ABHD11: variants seen among roughly 807,000 people sequenced by gnomAD.
ABHD11 encodes sn-1-specific diacylglycerol lipase ABHD11.
Under a neutral mutation model 29.0 loss-of-function variants are expected in ABHD11, and 26 were observed. The observed-to-expected ratio is 0.90, with a 90% confidence interval of 0.66 to 1.24. The LOEUF (loss-of-function observed/expected upper bound fraction) is 1.24, where lower values mean the gene tolerates loss of function less well. Ranked by LOEUF, ABHD11 falls within the 50% of genes most tolerant of loss-of-function variation. The probability of loss-of-function intolerance (pLI) is 0.00; values close to 1 mark genes in which losing one functional copy is unlikely to be tolerated. For missense variants in ABHD11, 381 were observed against 422.4 expected, an observed-to-expected ratio of 0.90 and a Z score of 0.86; for synonymous variants, 169 against 166.4, an observed-to-expected ratio of 1.02 and a Z score of -0.12.
intron 2 of ABHD11, 34 bp downstream of exon 2, chr7:73,738,294 G>A (rs1054170284): frequency 4.8e-5 from 32 of 669,782 alleles, no homozygotes; most frequent in East Asian, 1.0e-4. Context: ...CTCCCGCCCA[G>A]CCCCAAAGGA....
intron 1 of ABHD11, 29 bp downstream of exon 1, chr7:73,738,617 T>C: frequency 1.9e-6 from 3 of 1,580,714 alleles, no homozygotes; most frequent in Non-Finnish European, 2.6e-6. Flanking sequence ...GGACAGAGGA[T>C]GGCCTCCCGC....
intron 1 of ABHD11, 46 bp from the exon 2 acceptor site, chr7:73,738,509 G>C (rs782070948): frequency 1.3e-6 from 2 of 1,588,924 alleles, no homozygotes; most frequent in African/African-American, 1.3e-5. Context: ...GGCGGAGACG[G>C]GGAAAGGGGT....
At chr7:73,738,297 C>T (rs1009860466) in intron 2 of ABHD11, 31 bp downstream of exon 2, 4 of 1,598,346 alleles carry the variant, frequency 2.5e-6, no homozygotes, top group Non-Finnish European at 3.4e-6. Flanking sequence ...CCGCCCAGCC[C>T]CAAAGGAGCC....
Position 73,738,482 on chromosome 7 carries a change from A to AG in ABHD11, c.126-20dup, listed in dbSNP as rs1800199492. ...AAGCGGCCTGGCAGGGGAAGGATCG[A>AG]GGTCAGAGTCTGAGCCGGCGGAGAC... On this transcript the variant is annotated intron_variant, in intron 1 of 5. Coordinates refer to ENST00000222800, the MANE Select transcript of ABHD11 (RefSeq NM_148912.4). 6.2e-7 allele frequency: 1 copy of AG among 1,605,112 alleles called. No homozygotes were observed. Among genetic ancestry groups the AG allele is most frequent in the Non-Finnish European group, 8.5e-7 (1 of 1,175,686 alleles).
In ABHD11 at chr7:73,737,357, A is replaced by G. The variant is rs2130321960; in HGVS notation, c.470T>C (p.Ile157Thr). 2 of 1,613,864 alleles carry G rather than the reference A, an allele frequency of 1.2e-6. 1 individual carries two copies. Among genetic ancestry groups the G allele is most frequent in the East Asian group, 4.5e-5 (2 of 44,886 alleles). The change falls in exon 4 of 6, where the codon ATC (isoleucine) becomes ACC (threonine). Residue 157 changes from isoleucine (I) to threonine (T), a missense_variant. Physicochemically the swap from Ile to Thr is moderately conservative, Grantham distance 89. Transcript: ENST00000222800. ...GACACCTGTGCTTTCCACTGGGCTGATATCTACAGCAATGAGACGTTCCAC... is the reference window on the plus strand; with the variant it reads ...GACACCTGTGCTTTCCACTGGGCTGGTATCTACAGCAATGAGACGTTCCAC... ...ELVERLIAVD[I>T]SPVESTGVSH...
At position 73,736,662 on chromosome 7, in the gene ABHD11, A is replaced by T. The variant is rs141964827; in HGVS notation, c.818T>A (p.Leu273His). The change falls in exon 6 of 6, where the codon CTC becomes CAC. Residue 273 changes from leucine to histidine, a missense_variant. Transcript: ENST00000222800. ...CGTCTGCATCTGGGCCCGAGGGAAG[A>T]GCCGCATAATCTCAGGGTGGTGGCT... ...HPSHHPEIMR[L>H]FPRAQMQTVP... The T allele has an allele frequency of 1.2e-6, 2 of 1,613,956 alleles. No homozygotes were observed. Among genetic ancestry groups the T allele is most frequent in the Middle Eastern group, 3.4e-4 (2 of 5,956 alleles).
intron 3 of ABHD11, 43 bp downstream of exon 3, chr7:73,737,519 G>GT: frequency 6.4e-7 from 1 of 1,571,730 alleles, no homozygotes. Flanking sequence ...GGCCCTCAGG[G>GT]TATATACTGA....
rs782192308 is a variant in ABHD11, at chr7:73,738,416, G to T, written c.173C>A (p.Pro58Gln). ...GAGCCCGTGCAAAAAGACGACGGCC[G>T]GGAGGGCTGCCTCCCCGTCCAGAAG... ...YRLLDGEAAL[P>Q]AVVFLHGLFG... Residue 58 changes from proline (P) to glutamine (Q), a missense_variant, in exon 2 of 6, where the codon CCG becomes CAG. Physicochemically the swap from Pro to Gln is moderately conservative, Grantham distance 76. Coordinates refer to ENST00000222800, the MANE Select transcript of ABHD11 (RefSeq NM_148912.4). The T allele has an allele frequency of 6.2e-7, 1 of 1,611,504 alleles. No homozygotes were observed. Among genetic ancestry groups the T allele is most frequent in the Non-Finnish European group, 8.5e-7 (1 of 1,178,906 alleles).
At position 73,736,539 on chromosome 7, in the gene ABHD11, C is replaced by T; in HGVS notation, c.*20G>A. On this transcript the variant is annotated 3_prime_UTR_variant, in exon 6 of 6. Coordinates refer to ENST00000222800, the MANE Select transcript of ABHD11 (RefSeq NM_148912.4). ...ACAGGCATGAGCCACCACGCCCGGC[C>T]ATCTTCTTGCCAGCAACTCTTAGAC... 1.2e-6 allele frequency: 2 copies of T among 1,613,154 alleles called. No individual in the cohort carries two copies. The highest frequency in any genetic ancestry group is 1.7e-6 in the Non-Finnish European group (2 of 1,179,818).
chr7:73,738,560 G>T, intron 1 of ABHD11, 86 bp downstream of exon 1: 1 of 1,564,224 alleles, frequency 6.4e-7, no homozygotes, highest in South Asian at 1.2e-5. Flanking sequence ...GGAGGTGACA[G>T]GCCCAAAGGG....
Position 73,737,665 on chromosome 7 carries a change from C to T in ABHD11, c.332G>A (p.Ser111Asn). ...HSPDMSYEIM[S>N]QDLQDLLPQL... ...GGGCAGAAGGTCCTGCAGGTCCTGG[C>T]TCATGATCTCGTAGCTCATGTCTGG... Residue 111 changes from serine to asparagine, a missense_variant, in exon 3 of 6, where the codon AGC becomes AAC. Transcript: ENST00000222800. 1 of 1,614,154 alleles carries T rather than the reference C, an allele frequency of 6.2e-7. No homozygotes were observed. Among genetic ancestry groups the T allele is most frequent in the Non-Finnish European group, 8.5e-7 (1 of 1,180,012 alleles).
rs1799985593 is a variant in ABHD11, at chr7:73,737,223, G to C, written c.604C>G (p.Gln202Glu). The change falls in exon 4 of 6, where the codon CAG (glutamine) becomes GAG (glutamate). Residue 202 changes from glutamine to glutamate, a missense_variant and splice_region_variant. Coordinates refer to ENST00000222800, the MANE Select transcript of ABHD11 (RefSeq NM_148912.4). The part of the protein sequence containing the change: ...LADEQLSSVI[Q>E]DMAVRQHLLT... ...CCGGGGCACCTTGGGTGTATCACCT[G>C]GATGACAGAACTGAGCTGTTCATCC... 1 of 1,613,968 alleles carries C rather than the reference G, an allele frequency of 6.2e-7. No individual in the cohort carries two copies. Among genetic ancestry groups the C allele is most frequent in the Non-Finnish European group, 8.5e-7 (1 of 1,180,048 alleles).
intron 5 of ABHD11, 99 bp downstream of exon 5, chr7:73,736,830 G>A: frequency 6.4e-7 from 1 of 1,571,388 alleles, no homozygotes. Flanking sequence ...TGGCCTCTCA[G>A]CCACCCCCCT....
rs1554622449 is a variant in ABHD11 at position 73,737,693 on chromosome 7, T to A, written c.304A>T (p.Ser102Cys). 6 of 1,613,862 alleles carry A rather than the reference T, an allele frequency of 3.7e-6. No homozygotes were observed. The highest frequency in any genetic ancestry group is 5.1e-6 in the Non-Finnish European group (6 of 1,179,896). The stretch of plus-strand genomic sequence containing the variant: ...ATGATCTCGTAGCTCATGTCTGGGC[T>A]GTGGGGGCTGTCACCGTGGTTACGA... ...DARNHGDSPH[S>C]PDMSYEIMSQ... The change falls in exon 3 of 6, where the codon AGC becomes TGC. Residue 102 changes from serine to cysteine, a missense_variant. Physicochemically the swap from Ser to Cys is moderately radical, Grantham distance 112. Transcript: ENST00000222800.
intron 2 of ABHD11, 169 bp downstream of exon 2, chr7:73,738,159 T>A (rs782388000): frequency 1.7e-6 from 2 of 1,171,444 alleles, no homozygotes; most frequent in Non-Finnish European, 2.5e-6. Context: ...CATGAATTAA[T>A]GAAGATGGCA....
At position 73,736,549 on chromosome 7, in the gene ABHD11, C is replaced by T; in HGVS notation, c.*10G>A. ...GCCACCACGCCCGGCCATCTTCTTGCCAGCAACTCTTAGACCAGGAAGCCT... is the reference window on the plus strand; with the variant it reads ...GCCACCACGCCCGGCCATCTTCTTGTCAGCAACTCTTAGACCAGGAAGCCT... On this transcript the variant is annotated 3_prime_UTR_variant, in exon 6 of 6. Coordinates refer to ENST00000222800, the MANE Select transcript of ABHD11 (RefSeq NM_148912.4). The T allele has an allele frequency of 6.2e-7, 1 of 1,613,428 alleles. No individual in the cohort carries two copies. The highest frequency in any genetic ancestry group is 8.5e-7 in the Non-Finnish European group (1 of 1,179,874).
In ABHD11 at chr7:73,738,453, G is replaced by A; in HGVS notation, c.136C>T (p.Leu46Phe). 1 of 1,610,628 alleles carries A rather than the reference G, an allele frequency of 6.2e-7. No individual in the cohort carries two copies. ...TCCCCGTCCAGAAGCCTGTAGGAAAGCGGAAGCGGCCTGGCAGGGGAAGGA... is the reference window on the plus strand; with the variant it reads ...TCCCCGTCCAGAAGCCTGTAGGAAAACGGAAGCGGCCTGGCAGGGGAAGGA... ...RGGAEPRPLP[L>F]SYRLLDGEAA... Residue 46 changes from leucine (L) to phenylalanine (F), a missense_variant, in exon 2 of 6, where the codon CTT becomes TTT. Physicochemically the swap from Leu to Phe is conservative, Grantham distance 22. Coordinates refer to ENST00000222800, the MANE Select transcript of ABHD11 (RefSeq NM_148912.4).
rs1800245006 is a variant in ABHD11, at chr7:73,738,700, C to T, written c.71G>A (p.Arg24Lys). 3 of 1,605,884 alleles carry T rather than the reference C, an allele frequency of 1.9e-6. No individual in the cohort carries two copies. Among genetic ancestry groups the T allele is most frequent in the Non-Finnish European group, 2.5e-6 (3 of 1,177,260 alleles). Reference protein sequence around the residue: ...GLGPHGPSFARVPVAPSSSSG... With the variant: ...GLGPHGPSFAKVPVAPSSSSG... Reference sequence around the variant, plus strand: ...GCTGCTGCTGGGTGCGACAGGCACCCTCGCGAAGCTAGGGCCGTGGGGGCC... The same window carrying T: ...GCTGCTGCTGGGTGCGACAGGCACCTTCGCGAAGCTAGGGCCGTGGGGGCC... Residue 24 changes from arginine (R) to lysine (K), a missense_variant, in exon 1 of 6, where the codon AGG becomes AAG. Coordinates refer to ENST00000222800, the MANE Select transcript of ABHD11 (RefSeq NM_148912.4).
intron 4 of ABHD11, 22 bp downstream of exon 4, chr7:73,737,199 C>T (rs376313423): frequency 1.3e-4 from 213 of 1,613,754 alleles, no homozygotes; most frequent in Non-Finnish European, 1.7e-4. Context: ...CAATACCATC[C>T]GGGGCACCTT....
Sources: gnomAD v4.1 joint callset for allele counts on GRCh38, gnomAD v4.1.1 for gene constraint, MANE v1.5 for transcripts, NCBI Gene and HGNC (gene_info 2026-07-23, HGNC 2026-07-21) for gene names.